Variants in ANO1 observed in about 807,000 individuals in gnomAD.
ANO1 encodes the protein anoctamin-1.
ANO1 carries 59 observed loss-of-function variants against 124.0 expected under a neutral mutation model. That is an observed-to-expected ratio of 0.48 (90% CI 0.39 to 0.59). The LOEUF (loss-of-function observed/expected upper bound fraction) is 0.59. Ranked by LOEUF, ANO1 falls within the 20% of genes least tolerant of loss-of-function variation. The pLI, the probability that ANO1 is intolerant of heterozygous loss-of-function variation, is 0.00. For synonymous variants in ANO1, 529 were observed against 532.0 expected, an observed-to-expected ratio of 0.99 and a Z score of 0.08; for missense variants, 1,059 against 1,328.0, an observed-to-expected ratio of 0.80 and a Z score of 3.15.
chr11:70,161,475 G>A (rs2048041722), intron 17 of ANO1, 113 bp downstream of exon 17: 2 of 1,400,976 alleles, frequency 1.4e-6, no homozygotes, highest in African/African-American at 1.4e-5. Context: ...CCAGCTCCCT[G>A]GTTCTCAATG....
upstream of ANO1, among the ~76,000 whole-genome samples, chr11:69,984,051 T>TAATA (rs1449772222): frequency 6.6e-6 from 1 of 152,228 alleles, no homozygotes; most frequent in East Asian, 1.9e-4. Context: ...TTTTGGTTTA[T>TAATA]AGTTCATCAT....
At chr11:70,017,289 C>G (rs955718958) in intron 1 of ANO1, among the ~76,000 whole-genome samples, 2 of 152,342 alleles carry the variant, frequency 1.3e-5, no homozygotes, top group East Asian at 3.9e-4. Flanking sequence ...AAAGTCTACA[C>G]AATGAATCAT....
intron 1 of ANO1, among the ~76,000 whole-genome samples, chr11:70,017,903 C>T (rs1459522166): frequency 2.0e-5 from 3 of 152,092 alleles, no homozygotes; most frequent in African/African-American, 7.2e-5. Context: ...TTCTAGCTAC[C>T]CCCTGCCTGC....
In ANO1 at chr11:70,149,661, A is replaced by C. The variant is rs775683459; in HGVS notation, c.1259-49A>C. 3 of 1,564,578 alleles carry C rather than the reference A, an allele frequency of 1.9e-6. No homozygotes were observed. In the East Asian group the frequency reaches 7.1e-5, roughly 37 times the overall value. On this transcript the variant is annotated intron_variant, in intron 11 of 25. Coordinates refer to ENST00000355303, the MANE Select transcript of ANO1 (RefSeq NM_018043.7). The stretch of plus-strand genomic sequence containing the variant: ...GCAAAACTCTGTCTAAAAAAAAAAA[A>C]AAAATGCCTTTATGTCATCAGAGAC...
intron 8 of ANO1, among the ~76,000 whole-genome samples, chr11:70,116,735 T>C (rs1218897824): frequency 6.6e-6 from 1 of 152,204 alleles, no homozygotes; most frequent in Non-Finnish European, 1.5e-5. Context: ...CCTTGGCAGG[T>C]GACCGTGAGC....
In ANO1 at chr11:70,078,579, C is replaced by G. The variant is rs1430011197; in HGVS notation, c.-28C>G. The G allele has an allele frequency of 4.2e-6, 6 of 1,426,374 alleles. No individual in the cohort carries two copies. The highest frequency in any genetic ancestry group is 1.5e-5 in the African/African-American group (1 of 66,322). The allele number at this position is 1,426,374 out of a possible 1,614,324, so 88.4% of individuals were successfully genotyped here. On this transcript the variant is annotated 5_prime_UTR_variant, in exon 1 of 26. Coordinates refer to ENST00000355303, the MANE Select transcript of ANO1 (RefSeq NM_018043.7). ...CCGTGGATGGGGAGGGCGCGCCGCC[C>G]GGCGGTCCCAGCGCACAGGCGGCCA... is the stretch of plus-strand genomic sequence containing the variant.
chr11:70,187,645 T>G (rs2049185703), intron 25 of ANO1, 93 bp from the exon 26 acceptor site: 1 of 1,458,350 alleles, frequency 6.9e-7, no homozygotes, highest in African/African-American at 1.4e-5. Context: ...GGTGGTGGGG[T>G]GGCACTCCAC....
At chr11:69,984,285 C>G (rs1305779121), upstream of ANO1, among the ~76,000 whole-genome samples, 3 of 151,674 alleles carry the variant, frequency 2.0e-5, no homozygotes, top group Admixed American at 1.3e-4. Flanking sequence ...GGCACACGTC[C>G]CGGGGCTTCT....
chr11:69,982,225 C>T (rs1222421635), upstream of ANO1, among the ~76,000 whole-genome samples: 1 of 152,186 alleles, frequency 6.6e-6, no homozygotes, highest in Non-Finnish European at 1.5e-5. Context: ...ACCCCCTTAA[C>T]CCTGTTGAGT....
intron 1 of ANO1, among the ~76,000 whole-genome samples, chr11:70,062,067 C>CTTTTT (rs1175846749): frequency 8.0e-5 from 5 of 62,270 alleles, no homozygotes; most frequent in African/African-American, 6.2e-5. Context: ...TTCCTTCTTT[C>CTTTTT]TTTTTTTTTT....
the ANO1 span, among the ~76,000 whole-genome samples, chr11:69,973,654 A>C: frequency 6.6e-6 from 1 of 152,010 alleles, no homozygotes; most frequent in African/African-American, 2.4e-5. Context: ...CGGGTGGATC[A>C]CAAGGTCAGG....
chr11:70,110,139 C>T (rs1306328713), intron 6 of ANO1, among the ~76,000 whole-genome samples: 1 of 149,870 alleles, frequency 6.7e-6, no homozygotes, highest in African/African-American at 2.5e-5. Flanking sequence ...ATTCCAGCAA[C>T]AGGAAGGAGG....
At chr11:70,031,826 G>A (rs1857006486) in intron 1 of ANO1, among the ~76,000 whole-genome samples, 1 of 152,168 alleles carries the variant, frequency 6.6e-6, no homozygotes, top group Non-Finnish European at 1.5e-5. Flanking sequence ...TGCTTCCGAC[G>A]TACATCCACA....
rs1590876404 is a variant in ANO1, at chr11:70,156,015, G to A, written c.1503+27G>A. 8 of 1,475,992 alleles carry A rather than the reference G, an allele frequency of 5.4e-6. No homozygotes were observed. In the East Asian group the frequency reaches 1.9e-4, roughly 35 times the overall value. 91.4% of individuals were successfully genotyped at this position (1,475,992 alleles called of 1,614,324 possible). A position where few individuals can be genotyped will look rare whatever the true frequency, so the allele number is the denominator to read the frequency against. ...TACTTTTCTATTTTGCGGGCAGCGCGCGTCTTGACTGTTTGCAGGCAATCA... is the reference window on the plus strand; with the variant it reads ...TACTTTTCTATTTTGCGGGCAGCGCACGTCTTGACTGTTTGCAGGCAATCA... On this transcript the variant is annotated intron_variant, in intron 15 of 25. Coordinates refer to ENST00000355303, the MANE Select transcript of ANO1 (RefSeq NM_018043.7).
intron 11 of ANO1, among the ~76,000 whole-genome samples, chr11:70,141,923 GC>G: frequency 6.6e-6 from 1 of 152,186 alleles, no homozygotes; most frequent in East Asian, 1.9e-4. Flanking sequence ...CCACCCGCCC[GC>G]CGGGGTGTGG....
At chr11:70,161,487 G>A (rs752779851) in intron 17 of ANO1, 125 bp downstream of exon 17, 41 of 1,381,510 alleles carry the variant, frequency 3.0e-5, no homozygotes, top group Non-Finnish European at 4.0e-5. Context: ...TTCTCAATGG[G>A]TATCCTGAGC....
In ANO1 at chr11:70,078,632, C is replaced by T. The variant is rs781211162; in HGVS notation, c.26C>T (p.Thr9Met). The part of the protein sequence containing the change: MRVNEKYS[T>M]LPAEDRSVHI... ...ATGAGGGTCAACGAGAAGTACTCGA[C>T]GCTCCCGGCCGAGGACCGCAGCGTC... is the stretch of plus-strand genomic sequence containing the variant. The change falls in exon 1 of 26, where the codon ACG becomes ATG. Residue 9 changes from threonine to methionine, a missense_variant. Coordinates refer to ENST00000355303, the MANE Select transcript of ANO1 (RefSeq NM_018043.7). The T allele has an allele frequency of 2.4e-4, 356 of 1,498,858 alleles. 5 individuals are homozygous for T. In the South Asian group the frequency reaches 4.0e-3, roughly 17 times the overall value. The allele number at this position is 1,498,858 out of a possible 1,614,324, so 92.8% of individuals were successfully genotyped here.
intron 11 of ANO1, among the ~76,000 whole-genome samples, chr11:70,144,526 C>T (rs2047280166): frequency 6.6e-6 from 1 of 152,234 alleles, no homozygotes; most frequent in Admixed American, 6.5e-5. Context: ...TAGAGTCTTT[C>T]GCTCAACTGC....
intron 2 of ANO1, among the ~76,000 whole-genome samples, chr11:70,102,397 GTTGCCA>G (rs2045313826): frequency 6.6e-6 from 1 of 152,238 alleles, no homozygotes. Flanking sequence ...GCTGTTCACT[GTTGCCA>G]TTGAGGACCA....
Sources: allele counts gnomAD v4.1 joint callset (sites outside exome capture counted in the v4.1 genomes callset), GRCh38; gene constraint gnomAD v4.1.1; transcripts MANE v1.5; gene names NCBI Gene and HGNC (gene_info 2026-07-23, HGNC 2026-07-21).